CSGALNACT1: variants seen among roughly 807,000 people sequenced by gnomAD.
CSGALNACT1 encodes beta4GalNAcT-1.
A neutral mutation model predicts 51.0 loss-of-function variants in CSGALNACT1; 52 were observed. That is an observed-to-expected ratio of 1.02 (90% CI 0.82 to 1.29). The LOEUF (loss-of-function observed/expected upper bound fraction) is 1.29. CSGALNACT1 is among the 50% of genes most tolerant of loss of function. The pLI, the probability that CSGALNACT1 is intolerant of heterozygous loss-of-function variation, is 0.00. For missense variants in CSGALNACT1, 935 were observed against 679.2 expected (o/e 1.38, Z -4.19); for synonymous variants, 341 against 254.4 (o/e 1.34, Z -3.24).
At chr8:19,478,737 T>G (rs1488500706) in intron 4 of CSGALNACT1, among the ~76,000 whole-genome samples, 1 of 152,194 alleles carries the variant, frequency 6.6e-6, no homozygotes, top group Non-Finnish European at 1.5e-5. Context: ...ATTGCTCCAC[T>G]GCTATAAATT....
At position 19,496,843 on chromosome 8, in the gene CSGALNACT1, G is replaced by A. The variant is rs114542117; in HGVS notation, c.634+8358C>T. On this transcript the variant is annotated intron_variant, in intron 4 of 9. Transcript: ENST00000454498. Reference sequence around the variant, plus strand: ...GTTCCAAGAAGTGGAGCTTCCTTTCGCAAGCTCTTTCTCCAGGAACCCCAA... The same window carrying A: ...GTTCCAAGAAGTGGAGCTTCCTTTCACAAGCTCTTTCTCCAGGAACCCCAA... Among the ~76,000 whole-genome samples, 650 of 152,244 alleles carry A rather than the reference G, an allele frequency of 4.3e-3. 9 individuals are homozygous for A. Among genetic ancestry groups the A allele is most frequent in the African/African-American group, 0.015 (613 of 41,534 alleles).
At chr8:19,612,854 G>T (rs1382092735) in intron 1 of CSGALNACT1, among the ~76,000 whole-genome samples, 1 of 147,128 alleles carries the variant, frequency 6.8e-6, no homozygotes, top group African/African-American at 2.5e-5. Flanking sequence ...AGACATAAAA[G>T]CGAGAGAGCA....
At chr8:19,666,975 GAAAGAAAGAAAGAAAGAAAGAA>G (rs2059339329) in intron 1 of CSGALNACT1, among the ~76,000 whole-genome samples, 1 of 11,058 alleles carries the variant, frequency 9.0e-5, no homozygotes, top group African/African-American at 3.8e-4. Flanking sequence ...AAGAAAGAAA[GAAAGAAAGAAAGAAAGAAAGAA>G]AGAAAGAAAG....
At chr8:19,680,382 C>G (rs1751202496) in intron 1 of CSGALNACT1, among the ~76,000 whole-genome samples, 1 of 152,080 alleles carries the variant, frequency 6.6e-6, no homozygotes, top group Non-Finnish European at 1.5e-5. Flanking sequence ...GTGGCAAAAC[C>G]CTGCCTGTAC....
At position 19,499,268 on chromosome 8, in the gene CSGALNACT1, T is replaced by C. The variant is rs118053264; in HGVS notation, c.634+5933A>G. Among the ~76,000 whole-genome samples, 872 of 152,324 alleles carry C rather than the reference T, an allele frequency of 5.7e-3. 9 individuals are homozygous for C. Among genetic ancestry groups the C allele is most frequent in the Non-Finnish European group, 9.6e-3 (652 of 68,020 alleles). ...ACAAAATCTCCAAGGCTTATCTCTA[T>C]CATGGCATTTACCATATGCTGTCAT... On this transcript the variant is annotated intron_variant, in intron 4 of 9. Transcript: ENST00000454498.
At chr8:19,556,013 A>T (rs2089625334) in intron 3 of CSGALNACT1, among the ~76,000 whole-genome samples, 2 of 152,162 alleles carry the variant, frequency 1.3e-5, no homozygotes, top group South Asian at 4.1e-4. Flanking sequence ...TTACCCTCGA[A>T]GATAAGAACG....
At chr8:19,749,917 G>A (rs1257321256) in intron 1 of CSGALNACT1, among the ~76,000 whole-genome samples, 1 of 152,188 alleles carries the variant, frequency 6.6e-6, no homozygotes, top group South Asian at 2.1e-4. Context: ...GTCCATAAGA[G>A]GCAATGCACC....
At chr8:19,736,503 T>C (rs2063983603) in intron 1 of CSGALNACT1, among the ~76,000 whole-genome samples, 1 of 145,254 alleles carries the variant, frequency 6.9e-6, no homozygotes, top group Non-Finnish European at 1.5e-5. Flanking sequence ...AGAAAGTCAT[T>C]AGGTCCCAAA....
chr8:19,577,178 G>T (rs78733929), intron 3 of CSGALNACT1, among the ~76,000 whole-genome samples: 1 of 152,220 alleles, frequency 6.6e-6, no homozygotes, highest in South Asian at 2.1e-4. Context: ...GAAATAGACT[G>T]AGAGTTGTGC....
chr8:19,742,410 T>C (rs2064370320), intron 1 of CSGALNACT1, among the ~76,000 whole-genome samples: 1 of 152,216 alleles, frequency 6.6e-6, no homozygotes, highest in Non-Finnish European at 1.5e-5. Context: ...CCGTGGGGCC[T>C]CTCTTGGCTA....
intron 1 of CSGALNACT1, among the ~76,000 whole-genome samples, chr8:19,748,098 C>G (rs984767617): frequency 6.6e-6 from 1 of 152,100 alleles, no homozygotes; most frequent in Non-Finnish European, 1.5e-5. Flanking sequence ...TCAAAGGTAA[C>G]CTGGAAATTT....
chr8:19,736,168 C>A (rs1044789121), intron 1 of CSGALNACT1, among the ~76,000 whole-genome samples: 1 of 152,168 alleles, frequency 6.6e-6, no homozygotes, highest in Non-Finnish European at 1.5e-5. Flanking sequence ...TGTTTTAATT[C>A]ATCCCAACAC....
At chr8:19,423,109 C>A (rs1424819391) in intron 6 of CSGALNACT1, among the ~76,000 whole-genome samples, 1 of 152,264 alleles carries the variant, frequency 6.6e-6, no homozygotes, top group South Asian at 2.1e-4. Context: ...CTAGGATCTA[C>A]TACAGGAGAG....
chr8:19,658,216 T>C (rs1351025321), intron 1 of CSGALNACT1, among the ~76,000 whole-genome samples: 2 of 152,006 alleles, frequency 1.3e-5, no homozygotes, highest in Non-Finnish European at 2.9e-5. Context: ...GCAAAGGCCA[T>C]GTGCACACAC....
intron 5 of CSGALNACT1, among the ~76,000 whole-genome samples, chr8:19,442,120 G>A (rs961735831): frequency 2.6e-5 from 4 of 152,182 alleles, no homozygotes; most frequent in African/African-American, 9.7e-5. Context: ...CACTGTTGGT[G>A]GGAATGTAAA....
intron 3 of CSGALNACT1, among the ~76,000 whole-genome samples, chr8:19,564,349 G>C (rs1005075031): frequency 2.6e-5 from 4 of 151,432 alleles, no homozygotes; most frequent in African/African-American, 9.7e-5. Flanking sequence ...TGGATGCCTA[G>C]TCCCATCCTC....
exon 1 of CSGALNACT1, chr8:19,602,008 G>A: frequency 5.4e-6 from 2 of 367,416 alleles, no homozygotes; most frequent in Non-Finnish European, 1.1e-5. Context: ...AAGCAGGATG[G>A]TATTTGTTCT....
intron 6 of CSGALNACT1, among the ~76,000 whole-genome samples, chr8:19,438,606 T>A (rs1263310830): frequency 6.6e-6 from 1 of 152,210 alleles, no homozygotes; most frequent in Non-Finnish European, 1.5e-5. Context: ...AGCCAGACAG[T>A]AAACAGTTTA....
chr8:19,524,976 G>A (rs2081384457), intron 3 of CSGALNACT1, among the ~76,000 whole-genome samples: 1 of 152,190 alleles, frequency 6.6e-6, no homozygotes, highest in Non-Finnish European at 1.5e-5. Context: ...AACCAGAACA[G>A]TATCTCTGAG....
Sources: allele counts gnomAD v4.1 joint callset (sites outside exome capture counted in the v4.1 genomes callset), GRCh38; gene constraint gnomAD v4.1.1; transcripts MANE v1.5; gene names NCBI Gene and HGNC (gene_info 2026-07-23, HGNC 2026-07-21).